Variants in MYH11 observed in about 807,000 individuals in gnomAD.
The protein encoded by MYH11 is myosin-11.
Under a neutral mutation model 246.6 loss-of-function variants are expected in MYH11, and 80 were observed. The observed-to-expected ratio is 0.32, with a 90% confidence interval of 0.27 to 0.39. The LOEUF (loss-of-function observed/expected upper bound fraction) is 0.39, where lower values mean the gene tolerates loss of function less well. Ranked by LOEUF, MYH11 falls within the 10% of genes least tolerant of loss-of-function variation. MYH11 has a pLI of 1.00. For missense variants in MYH11, 2,158 were observed against 2,546.8 expected (o/e 0.85, Z 3.29); for synonymous variants, 1,071 against 1,015.5 (o/e 1.05, Z -1.04).
intron 13 of MYH11, among the ~76,000 whole-genome samples, chr16:15,757,032 TC>T (rs372381423): frequency 0.063 from 9,570 of 151,548 alleles, 333 homozygotes; most frequent in East Asian, 0.17. Context: ...TCTCCTGACC[TC>T]GTGATCCGCC....
chr16:15,837,459 G>A (rs1026081816), intron 2 of MYH11, among the ~76,000 whole-genome samples: 6 of 151,998 alleles, frequency 3.9e-5, no homozygotes, highest in African/African-American at 1.5e-4. Flanking sequence ...CTCTTCAAGG[G>A]CTGAGATGTG....
At chr16:15,797,667 G>T (rs2042775465) in intron 4 of MYH11, among the ~76,000 whole-genome samples, 1 of 151,336 alleles carries the variant, frequency 6.6e-6, no homozygotes, top group Non-Finnish European at 1.5e-5. Context: ...CCTGCTGAAA[G>T]TTATTTGTAA....
Position 15,704,193 on chromosome 16 carries a change from C to T in MYH11, c.5787-70G>A, listed in dbSNP as rs2039329917. On this transcript the variant is annotated intron_variant, in intron 40 of 40. Transcript: ENST00000300036. ...TGGTTGGGATAGATTTTTTATAAAT[C>T]TATTTTAAACTTGTAGCTATAGTCC... 3 of 1,584,360 alleles carry T rather than the reference C, an allele frequency of 1.9e-6. No homozygotes were observed. The East Asian group carries it at 6.7e-5, about 36-fold the overall frequency.
intron 1 of MYH11, among the ~76,000 whole-genome samples, chr16:15,843,407 G>C (rs1663228393): frequency 6.9e-6 from 1 of 145,300 alleles, no homozygotes; most frequent in Non-Finnish European, 1.5e-5. Flanking sequence ...AAGGAAGGAA[G>C]AGGCCGGGCA....
chr16:15,853,048 A>G (rs1208578941), intron 1 of MYH11, among the ~76,000 whole-genome samples: 1 of 152,168 alleles, frequency 6.6e-6, no homozygotes, highest in East Asian at 1.9e-4. Context: ...TTCGAGTTAC[A>G]AGTCTCAGCT....
intron 13 of MYH11, among the ~76,000 whole-genome samples, chr16:15,757,398 A>G (rs1457854657): frequency 6.7e-6 from 1 of 148,526 alleles, no homozygotes. Context: ...AGTCTCAGCC[A>G]CTTGGGAGGC....
chr16:15,744,310 T>G (rs901823244), intron 20 of MYH11, among the ~76,000 whole-genome samples: 21 of 152,112 alleles, frequency 1.4e-4, no homozygotes, highest in African/African-American at 5.1e-4. Flanking sequence ...TTCTCTTGCC[T>G]CAGCCTCCTG....
intron 1 of MYH11, among the ~76,000 whole-genome samples, chr16:15,838,644 G>A (rs2043970167): frequency 6.6e-6 from 1 of 152,124 alleles, no homozygotes; most frequent in Non-Finnish European, 1.5e-5. Context: ...CAAATCACTT[G>A]AGGCCAGGAG....
At chr16:15,763,742 C>CGGGGGG in intron 10 of MYH11, 54 bp downstream of exon 10, 3 of 627,774 alleles carry the variant, frequency 4.8e-6, no homozygotes, top group Non-Finnish European at 5.9e-6. Context: ...AATGTCACCT[C>CGGGGGG]CCCCACCCCC....
At chr16:15,829,080 A>G (rs893404066) in intron 2 of MYH11, among the ~76,000 whole-genome samples, 19 of 151,780 alleles carry the variant, frequency 1.3e-4, no homozygotes, top group African/African-American at 4.3e-4. Flanking sequence ...GCTACTCAGG[A>G]GTCTGAGGCA....
intron 40 of MYH11, among the ~76,000 whole-genome samples, chr16:15,704,748 G>A (rs1193363571): frequency 6.6e-6 from 1 of 152,232 alleles, no homozygotes; most frequent in Non-Finnish European, 1.5e-5. Flanking sequence ...AGGGACTGCT[G>A]CATCTGTTTT....
At chr16:15,713,357 A>T (rs1199930074) in intron 40 of MYH11, 1 of 152,178 alleles carries the variant, frequency 6.6e-6, no homozygotes, top group Non-Finnish European at 1.5e-5. Flanking sequence ...AGTAGGAAGT[A>T]AGGTCCCCAG....
At chr16:15,736,177 TAGTTG>T (rs774011597) in intron 25 of MYH11, among the ~76,000 whole-genome samples, 1 of 152,104 alleles carries the variant, frequency 6.6e-6, no homozygotes, top group African/African-American at 2.4e-5. Context: ...GAAAGTGAAA[TAGTTG>T]GGTTGGGGTG....
intron 11 of MYH11, among the ~76,000 whole-genome samples, chr16:15,760,052 G>C (rs1358965447): frequency 6.6e-6 from 1 of 151,872 alleles, no homozygotes; most frequent in Non-Finnish European, 1.5e-5. Flanking sequence ...AGCTGCGATG[G>C]CACCACTGCA....
At chr16:15,708,955 CTTT>C (rs772767049) in intron 40 of MYH11, 4 of 1,145,968 alleles carry the variant, frequency 3.5e-6, no homozygotes, top group Non-Finnish European at 3.8e-6. Flanking sequence ...TAAAGGCACT[CTTT>C]TTTATTTTGA....
At chr16:15,802,223 G>T (rs973201197) in intron 3 of MYH11, among the ~76,000 whole-genome samples, 1 of 152,168 alleles carries the variant, frequency 6.6e-6, no homozygotes, top group Non-Finnish European at 1.5e-5. Flanking sequence ...TAACAGCTCC[G>T]ATCTCCCGAG....
intron 2 of MYH11, among the ~76,000 whole-genome samples, chr16:15,831,464 GGTGTGTGT>G (rs59352444): frequency 7.3e-4 from 106 of 145,684 alleles, no homozygotes; most frequent in African/African-American, 2.4e-3. Context: ...TTATGTTTGG[GGTGTGTGT>G]GTGTGTGTGT....
intron 28 of MYH11, chr16:15,725,693 T>C (rs2040720013): frequency 5.0e-6 from 2 of 398,950 alleles, no homozygotes; most frequent in Non-Finnish European, 8.8e-6. Flanking sequence ...CACTTAATTC[T>C]TCCCTCGCCC....
intron 35 of MYH11, 136 bp from the exon 36 acceptor site, chr16:15,719,444 A>T (rs1596713450): frequency 6.7e-7 from 1 of 1,483,420 alleles, no homozygotes; most frequent in East Asian, 2.3e-5. Flanking sequence ...GAATACATAG[A>T]GGAGGGAAGC....
Sources: allele counts gnomAD v4.1 joint callset (sites outside exome capture counted in the v4.1 genomes callset), GRCh38; gene constraint gnomAD v4.1.1; transcripts MANE v1.5; gene names NCBI Gene and HGNC (gene_info 2026-07-23, HGNC 2026-07-21).